Variants in EML6 observed in about 807,000 individuals in gnomAD.
The protein encoded by EML6 is EMAP like 6.
Under a neutral mutation model 240.1 loss-of-function variants are expected in EML6, and 154 were observed. That is an observed-to-expected ratio of 0.64 (90% CI 0.56 to 0.73). The LOEUF is 0.73. EML6 is among the 30% of genes least tolerant of loss of function. The pLI, the probability that EML6 is intolerant of heterozygous loss-of-function variation, is 0.00. For synonymous variants in EML6, 1,148 were observed against 899.0 expected, an observed-to-expected ratio of 1.28 and a Z score of -4.95; for missense variants, 2,964 against 2,474.6, an observed-to-expected ratio of 1.20 and a Z score of -4.20.
intron 24 of EML6, among the ~76,000 whole-genome samples, chr2:54,907,883 T>A (rs1673402731): frequency 6.8e-6 from 1 of 147,926 alleles, no homozygotes; most frequent in African/African-American, 2.6e-5. Flanking sequence ...ACAGATAGAT[T>A]AGATAGATTA....
At chr2:54,943,505 C>A (rs1263342134) in intron 28 of EML6, among the ~76,000 whole-genome samples, 1 of 152,210 alleles carries the variant, frequency 6.6e-6, no homozygotes, top group Non-Finnish European at 1.5e-5. Context: ...TTCCTTCCAA[C>A]CTTTTTCCTT....
At chr2:54,946,093 C>T (rs1675682083) in intron 28 of EML6, among the ~76,000 whole-genome samples, 1 of 152,212 alleles carries the variant, frequency 6.6e-6, no homozygotes. Context: ...GAGCTTCGGC[C>T]TGTGTGCCAC....
At chr2:54,822,583 A>C (rs1668382141) in intron 5 of EML6, among the ~76,000 whole-genome samples, 1 of 152,230 alleles carries the variant, frequency 6.6e-6, no homozygotes, top group African/African-American at 2.4e-5. Context: ...GTTATGTTTT[A>C]AATGATGATA....
At chr2:54,766,735 A>G (rs1270974985) in intron 2 of EML6, among the ~76,000 whole-genome samples, 1 of 152,142 alleles carries the variant, frequency 6.6e-6, no homozygotes. Context: ...CTGATGATTC[A>G]TGGCATAGTA....
chr2:54,832,294 GT>G (rs1346088812), intron 7 of EML6, among the ~76,000 whole-genome samples: 1 of 152,204 alleles, frequency 6.6e-6, no homozygotes, highest in Admixed American at 6.5e-5. Context: ...CCTCTCTAAG[GT>G]GCTCTGTTGC....
chr2:54,844,347 C>G, intron 8 of EML6, 99 bp downstream of exon 8: 1 of 909,866 alleles, frequency 1.1e-6, no homozygotes, highest in East Asian at 2.7e-5. Context: ...AACAGAACCA[C>G]ACAGTTTCCA....
intron 26 of EML6, among the ~76,000 whole-genome samples, chr2:54,923,845 C>T (rs1002668912): frequency 8.5e-5 from 13 of 152,126 alleles, no homozygotes; most frequent in Non-Finnish European, 1.5e-5. Flanking sequence ...TGTTTTTCAC[C>T]ATAAATTTTA....
chr2:54,772,349 GT>G (rs1668436905), intron 2 of EML6, among the ~76,000 whole-genome samples: 1 of 152,198 alleles, frequency 6.6e-6, no homozygotes, highest in South Asian at 2.1e-4. Context: ...TATCCAGTTG[GT>G]TTGGATAAGA....
At chr2:54,947,910 T>C (rs1431420814) in intron 28 of EML6, among the ~76,000 whole-genome samples, 1 of 152,228 alleles carries the variant, frequency 6.6e-6, no homozygotes, top group African/African-American at 2.4e-5. Flanking sequence ...GGAATGTCTG[T>C]TCACTTGGAA....
At chr2:54,885,968 A>T (rs1327605169) in intron 17 of EML6, among the ~76,000 whole-genome samples, 2 of 152,198 alleles carry the variant, frequency 1.3e-5, no homozygotes, top group East Asian at 3.9e-4. Context: ...CTTGCCTCTC[A>T]TCGTAGGGTT....
chr2:54,962,111 C>G (rs1445259938), intron 35 of EML6, among the ~76,000 whole-genome samples: 1 of 145,186 alleles, frequency 6.9e-6, no homozygotes, highest in African/African-American at 2.6e-5. Context: ...AAGACAGGGT[C>G]TCACTGTGTC....
chr2:54,869,345 A>G lies in EML6; in HGVS notation c.2216A>G (p.Lys739Arg). ...DILSLTIHPV[K>R]DYVATGQVGR... ...CTCAGCCTGACCATCCATCCAGTGA[A>G]GGACTATGTGGCTACTGGGCAGGTA... Residue 739 changes from lysine to arginine, a missense_variant, in exon 15 of 42, where the codon AAG becomes AGG. Physicochemically the swap from Lys to Arg is conservative, Grantham distance 26. Coordinates refer to ENST00000356458, the MANE Select transcript of EML6 (RefSeq NM_001039753.4). The G allele has an allele frequency of 6.4e-7, 1 of 1,551,296 alleles. No individual in the cohort carries two copies. Among genetic ancestry groups the G allele is most frequent in the South Asian group, 1.2e-5 (1 of 84,008 alleles).
intron 7 of EML6, among the ~76,000 whole-genome samples, chr2:54,840,404 A>AT (rs1199730108): frequency 6.6e-6 from 1 of 152,268 alleles, no homozygotes; most frequent in African/African-American, 2.4e-5. Flanking sequence ...TATACAATGT[A>AT]TGTGTATATA....
chr2:54,942,387 A>G (rs72795415), intron 28 of EML6, among the ~76,000 whole-genome samples: 1 of 152,150 alleles, frequency 6.6e-6, no homozygotes, highest in South Asian at 2.1e-4. Context: ...ACTGTGGCAG[A>G]GTTGGGTCTG....
chr2:54,736,843 A>C (rs1027855291), intron 2 of EML6, among the ~76,000 whole-genome samples: 2 of 152,194 alleles, frequency 1.3e-5, no homozygotes, highest in African/African-American at 4.8e-5. Flanking sequence ...TTTTCTTGCC[A>C]AAAATGCATG....
chr2:54,948,668 T>C (rs903041415), intron 28 of EML6, among the ~76,000 whole-genome samples: 1 of 152,060 alleles, frequency 6.6e-6, no homozygotes, highest in Non-Finnish European at 1.5e-5. Context: ...GCCTCAAGCG[T>C]GGGGAGGCCC....
rs543166003 is a variant in EML6, at chr2:54,897,377, C to G, written c.2982+1977C>G. Among the ~76,000 whole-genome samples, 135 of 152,296 alleles carry G rather than the reference C, an allele frequency of 8.9e-4. 1 individual carries two copies. The highest frequency in any genetic ancestry group is 1.6e-3 in the Non-Finnish European group (110 of 68,024). On this transcript the variant is annotated intron_variant, in intron 21 of 41. Transcript: ENST00000356458. ...ACCACAGCAATCATATATTGAGCACCTACTCTGTGTCAGGCAATACCGTTG... is the reference window on the plus strand; with the variant it reads ...ACCACAGCAATCATATATTGAGCACGTACTCTGTGTCAGGCAATACCGTTG...
intron 2 of EML6, among the ~76,000 whole-genome samples, chr2:54,812,638 A>G (rs1012176660): frequency 6.6e-6 from 1 of 152,180 alleles, no homozygotes; most frequent in African/African-American, 2.4e-5. Context: ...AAAAATTGCT[A>G]TACAAACCAC....
intron 8 of EML6, among the ~76,000 whole-genome samples, chr2:54,845,961 C>T (rs1225777436): frequency 6.6e-6 from 1 of 152,160 alleles, no homozygotes; most frequent in Non-Finnish European, 1.5e-5. Flanking sequence ...AGTCAGATAC[C>T]ACAATTGCAC....
Sources: gnomAD v4.1 joint callset for allele counts (sites outside exome capture counted in the v4.1 genomes callset) on GRCh38, gnomAD v4.1.1 for gene constraint, MANE v1.5 for transcripts, NCBI Gene and HGNC (gene_info 2026-07-23, HGNC 2026-07-21) for gene names.